PHEX: variants seen among roughly 807,000 people sequenced by gnomAD.
PHEX encodes the protein phosphate regulating endopeptidase X-linked, also known as phosphate-regulating neutral endopeptidase PHEX.
A neutral mutation model predicts 68.0 loss-of-function variants in PHEX; 16 were observed. That is an observed-to-expected ratio of 0.24 (90% CI 0.16 to 0.36). The LOEUF is 0.36. PHEX is among the 10% of genes least tolerant of loss of function. PHEX has a pLI of 1.00. For synonymous variants in PHEX, 208 were observed against 205.1 expected, an observed-to-expected ratio of 1.01 and a Z score of -0.12; for missense variants, 480 against 575.5, an observed-to-expected ratio of 0.83 and a Z score of 1.70.
At chrX:22,156,853 G>T (rs1460799946) in intron 12 of PHEX, among the ~76,000 whole-genome samples, 2 of 110,277 alleles carry the variant, frequency 1.8e-5, no homozygotes, top group East Asian at 5.7e-4. Flanking sequence ...CCACTCTTCT[G>T]CCCAGTTTCT....
chrX:22,149,231 G>A (rs930145749), intron 12 of PHEX, among the ~76,000 whole-genome samples: 1 of 111,315 alleles, frequency 9.0e-6, no homozygotes, highest in African/African-American at 3.3e-5. Context: ...TTCTCTCATT[G>A]GCAGTCTTAG....
chrX:22,168,551 T>G (rs1055967331), intron 13 of PHEX, among the ~76,000 whole-genome samples, 162 bp downstream of exon 13: 4 of 111,677 alleles, frequency 3.6e-5, no homozygotes, highest in Non-Finnish European at 7.5e-5. Flanking sequence ...GCCAGGCAGA[T>G]CACAAGATTT....
chrX:22,091,060 G>C (rs1389264347), intron 6 of PHEX, among the ~76,000 whole-genome samples: 1 of 111,980 alleles, frequency 8.9e-6, no homozygotes, highest in Non-Finnish European at 1.9e-5. Context: ...AAATCTAGCA[G>C]TCTCCTGGAT....
intron 11 of PHEX, among the ~76,000 whole-genome samples, chrX:22,131,547 G>A (rs1932003931): frequency 8.9e-6 from 1 of 112,968 alleles, no homozygotes; most frequent in Admixed American, 9.3e-5. Flanking sequence ...TCCATCTGCT[G>A]TTTGTTCTTA....
intron 3 of PHEX, among the ~76,000 whole-genome samples, chrX:22,055,884 T>C (rs983600441): frequency 2.7e-5 from 3 of 111,988 alleles, no homozygotes; most frequent in African/African-American, 9.8e-5. Context: ...TGTGTGCTTT[T>C]CCACCCTCAG....
chrX:22,055,196 A>C (rs1408425238), intron 3 of PHEX, among the ~76,000 whole-genome samples: 1,173 of 81,206 alleles, frequency 0.014, 30 homozygotes, highest in African/African-American at 0.052. Flanking sequence ...AAAAAAAAAA[A>C]AAAAAAAAAA....
chrX:22,090,419 G>A lies in PHEX; in HGVS notation c.664-10G>A. ...TGCTAGCAGAATGCTTTCTGTTTTT[G>A]TTTTTACAGCTGGACCAAGCAACAC... On this transcript the variant is annotated splice_polypyrimidine_tract_variant and intron_variant, in intron 5 of 21. Coordinates refer to ENST00000379374, the MANE Select transcript of PHEX (RefSeq NM_000444.6). The A allele has an allele frequency of 8.3e-7, 1 of 1,199,383 alleles. No homozygotes were observed. The highest frequency in any genetic ancestry group is 2.2e-5 in the Admixed American group (1 of 45,770).
rs1927565786 is a variant in PHEX at position 22,047,006 on chromosome X, C to T, written c.188-44C>T. On this transcript the variant is annotated intron_variant, in intron 2 of 21. Transcript: ENST00000379374. ...TAATTTGGAAAAGAACAGTATACAA[C>T]ATTCAGTGCTTGTCATTAATCCTAT... The T allele has an allele frequency of 5.5e-6, 6 of 1,082,241 alleles. No individual in the cohort carries two copies. The African/African-American group carries it at 7.3e-5, about 13-fold the overall frequency. The allele number at this position is 1,082,241 out of a possible 1,213,427, so 89.2% of individuals were successfully genotyped here. A position where few individuals can be genotyped will look rare whatever the true frequency, so the allele number is the denominator to read the frequency against.
chrX:22,152,198 G>A (rs1442442892), intron 12 of PHEX, among the ~76,000 whole-genome samples: 3 of 109,855 alleles, frequency 2.7e-5, no homozygotes, highest in African/African-American at 6.6e-5. Context: ...GGTGAGTTGC[G>A]CTCATTTTCT....
chrX:22,036,054 A>ATATTT (rs1349859330), intron 1 of PHEX, among the ~76,000 whole-genome samples: 6 of 56,697 alleles, frequency 1.1e-4, no homozygotes, highest in African/African-American at 5.5e-4. Context: ...ATATATATAT[A>ATATTT]TTTTTTTTTT....
At chrX:22,138,341 G>A (rs1344770387) in intron 12 of PHEX, among the ~76,000 whole-genome samples, 1 of 112,670 alleles carries the variant, frequency 8.9e-6, no homozygotes, top group Admixed American at 9.3e-5. Context: ...GCCGGGATTC[G>A]GACTCAGAGA....
At chrX:22,223,019 A>AAAG (rs1287168518) in intron 18 of PHEX, among the ~76,000 whole-genome samples, 3 of 111,799 alleles carry the variant, frequency 2.7e-5, no homozygotes, top group Non-Finnish European at 5.6e-5. Flanking sequence ...CATTTTGGCC[A>AAAG]AAGTGTCAGA....
intron 15 of PHEX, 114 bp from the exon 16 acceptor site, chrX:22,212,790 C>A: frequency 1.7e-6 from 1 of 584,504 alleles, no homozygotes; most frequent in Non-Finnish European, 3.1e-6. Flanking sequence ...GCTCCCAGTG[C>A]CAGGAGGAGT....
At chrX:22,134,926 T>C (rs775836468) in intron 12 of PHEX, among the ~76,000 whole-genome samples, 11 of 111,790 alleles carry the variant, frequency 9.8e-5, no homozygotes, top group Non-Finnish European at 1.9e-4. Context: ...TACTGAGTCA[T>C]ACTGAGCACA....
In PHEX at chrX:22,168,906, TG is replaced by T. The variant is rs1363345719; in HGVS notation, c.1482+519del. On this transcript the variant is annotated intron_variant, in intron 13 of 21. Transcript: ENST00000379374. ...TTTGCAGTAAGTTACTGATGAAAAA[TG>T]GTCATAATTCTTTTTTATTTCAATA... is the stretch of plus-strand genomic sequence containing the variant. Among the ~76,000 whole-genome samples, 10 of 111,744 alleles carry T rather than the reference TG, an allele frequency of 8.9e-5. No homozygotes were observed. The East Asian group carries it at 2.8e-3, about 31-fold the overall frequency.
intron 9 of PHEX, among the ~76,000 whole-genome samples, chrX:22,104,143 G>A (rs1235031343): frequency 9.0e-6 from 1 of 111,635 alleles, no homozygotes; most frequent in Non-Finnish European, 1.9e-5. Flanking sequence ...TTTTTGATGG[G>A]ATTGTTTGTT....
intron 3 of PHEX, among the ~76,000 whole-genome samples, chrX:22,057,822 G>A (rs1928183284): frequency 9.0e-6 from 1 of 111,573 alleles, no homozygotes; most frequent in Non-Finnish European, 1.9e-5. Flanking sequence ...CATAGGAGGT[G>A]CTCAGTAAAT....
chrX:22,134,740 A>T (rs935392987), intron 12 of PHEX, among the ~76,000 whole-genome samples: 4 of 111,953 alleles, frequency 3.6e-5, no homozygotes, highest in Non-Finnish European at 7.5e-5. Context: ...GTATTTTTGA[A>T]AGCTTCCTGA....
chrX:22,084,677 G>GCTA (rs1266719562), intron 5 of PHEX, among the ~76,000 whole-genome samples: 2 of 108,345 alleles, frequency 1.8e-5, no homozygotes, highest in Non-Finnish European at 3.8e-5. Flanking sequence ...CTTCAATCTT[G>GCTA]CTACTAGGTA....
Sources: allele counts gnomAD v4.1 joint callset (sites outside exome capture counted in the v4.1 genomes callset), GRCh38; gene constraint gnomAD v4.1.1; transcripts MANE v1.5; gene names NCBI Gene and HGNC (gene_info 2026-07-23, HGNC 2026-07-21).